The following TCN2 variants were observed in gnomAD, a reference collection of about 807,000 sequenced individuals.
TCN2 encodes the protein transcobalamin-2.
A neutral mutation model predicts 48.6 loss-of-function variants in TCN2; 34 were observed. That is an observed-to-expected ratio of 0.70 (90% confidence interval 0.53 to 0.93). TCN2 has a LOEUF of 0.93. Ranked by LOEUF, TCN2 falls within the 40% of genes least tolerant of loss-of-function variation. The probability of loss-of-function intolerance (pLI) is 0.00; values close to 1 mark genes in which losing one functional copy is unlikely to be tolerated. For missense variants in TCN2, 652 were observed against 526.1 expected, an observed-to-expected ratio of 1.24 and a Z score of -2.34; for synonymous variants, 283 against 212.5, an observed-to-expected ratio of 1.33 and a Z score of -2.89.
rs147747593 is a variant in TCN2 at position 30,623,025 on chromosome 22, G to C, written c.1164G>C (p.Ala388=). Residue 388 remains alanine (A), a synonymous_variant, in exon 8 of 9, where the codon GCG becomes GCC. Coordinates refer to ENST00000215838, the MANE Select transcript of TCN2 (RefSeq NM_000355.4). ...ACTTAACCTCCGTGATGGGGAAAGC[G>C]GCCGGAGAAAGGGAGTTCTGGCAGC... ...GPYLTSVMGK[A]AGEREFWQLL... The C allele has an allele frequency of 3.1e-6, 5 of 1,613,802 alleles. No homozygotes were observed. The highest frequency in any genetic ancestry group is 4.2e-6 in the Non-Finnish European group (5 of 1,180,002).
rs11557601 is a variant in TCN2 at position 30,622,985 on chromosome 22, C to T, written c.1124C>T (p.Ser375Phe). The change falls in exon 8 of 9, where the codon TCC becomes TTC. Residue 375 changes from serine to phenylalanine, a missense_variant. Physicochemically the swap from Ser to Phe is radical, Grantham distance 155. Transcript: ENST00000215838. ...TTCTGTAGATATGAAACACAGGCCT[C>T]CTTGTCAGGCCCCTACTTAACCTCC... ...LGGFTYETQA[S>F]LSGPYLTSVM... The T allele has an allele frequency of 1.9e-6, 3 of 1,614,022 alleles. No individual in the cohort carries two copies. The highest frequency in any genetic ancestry group is 1.3e-5 in the African/African-American group (1 of 74,902).
intron 3 of TCN2, among the ~76,000 whole-genome samples, chr22:30,613,833 G>C (rs5753236): frequency 0.62 from 94,646 of 151,990 alleles, 30,218 homozygotes; most frequent in African/African-American, 0.77. Flanking sequence ...TGCCCAGGCT[G>C]TGCTCATCCA....
chr22:30,618,263 G>A (rs533403833), intron 7 of TCN2, among the ~76,000 whole-genome samples: 1 of 92,366 alleles, frequency 1.1e-5, no homozygotes, highest in Admixed American at 1.2e-4. Context: ...ATAATAACTG[G>A]TTTTTTTTGT....
intron 7 of TCN2, among the ~76,000 whole-genome samples, chr22:30,619,811 T>C (rs1014698068): frequency 6.6e-6 from 1 of 152,158 alleles, no homozygotes; most frequent in Non-Finnish European, 1.5e-5. Flanking sequence ...CCAGGTTAAG[T>C]TATTTCTTCT....
chr22:30,617,937 T>G (rs2087638925), intron 7 of TCN2, among the ~76,000 whole-genome samples: 1 of 152,066 alleles, frequency 6.6e-6, no homozygotes, highest in Non-Finnish European at 1.5e-5. Flanking sequence ...GTTTTTTGTT[T>G]GTTTGTTTGT....
rs567525975 is a variant in TCN2 at position 30,624,373 on chromosome 22, C to CTG, written c.1222+1291_1222+1292dup. 7.2e-5 allele frequency among the ~76,000 whole-genome samples: 11 copies of CTG among 152,094 alleles called. No individual in the cohort carries two copies. In the South Asian group the frequency reaches 2.3e-3, roughly 32 times the overall value. On this transcript the variant is annotated intron_variant, in intron 8 of 8. Coordinates refer to ENST00000215838, the MANE Select transcript of TCN2 (RefSeq NM_000355.4). ...ACAGGCGTGAGCCACCACGCCTGGC[C>CTG]TGCAAACAGACCCTTAAAAGTCATC...
intron 7 of TCN2, among the ~76,000 whole-genome samples, chr22:30,619,510 G>A (rs2087665852): frequency 6.6e-6 from 1 of 152,242 alleles, no homozygotes; most frequent in Non-Finnish European, 1.5e-5. Context: ...AGCATGTCTG[G>A]ACTGTTGTTT....
chr22:30,626,097 T>C (rs573002278), intron 8 of TCN2, among the ~76,000 whole-genome samples: 1 of 152,132 alleles, frequency 6.6e-6, no homozygotes, highest in Non-Finnish European at 1.5e-5. Context: ...GGCGTCCTCC[T>C]AGAGCCTGGA....
At chr22:30,615,032 T>G (rs938737539) in intron 4 of TCN2, among the ~76,000 whole-genome samples, 4 of 152,142 alleles carry the variant, frequency 2.6e-5, no homozygotes, top group African/African-American at 9.7e-5. Context: ...CTCCCTAACC[T>G]CTAGCCCTCA....
chr22:30,618,263 G>C (rs533403833), intron 7 of TCN2, among the ~76,000 whole-genome samples: 1 of 92,366 alleles, frequency 1.1e-5, no homozygotes, highest in African/African-American at 5.8e-5. Context: ...ATAATAACTG[G>C]TTTTTTTTGT....
intron 7 of TCN2, among the ~76,000 whole-genome samples, chr22:30,620,884 C>T (rs1307683365): frequency 6.6e-6 from 1 of 152,148 alleles, no homozygotes; most frequent in Non-Finnish European, 1.5e-5. Context: ...AGAGGTAGCC[C>T]TGTGCAGCCA....
At chr22:30,614,850 A>G (rs914343548) in intron 4 of TCN2, among the ~76,000 whole-genome samples, 7 of 152,214 alleles carry the variant, frequency 4.6e-5, no homozygotes, top group African/African-American at 1.7e-4. Context: ...CGGAGGCTGC[A>G]GTGAGTGGAG....
chr22:30,626,312 A>G (rs2087808902), intron 8 of TCN2, 148 bp from the exon 9 acceptor site: 1 of 797,470 alleles, frequency 1.3e-6, no homozygotes, highest in South Asian at 1.5e-5. Flanking sequence ...GTCTTTGAGC[A>G]GGCTTTAGGG....
chr22:30,618,734 A>T (rs2087652541), intron 7 of TCN2, among the ~76,000 whole-genome samples: 1 of 151,842 alleles, frequency 6.6e-6, no homozygotes, highest in Non-Finnish European at 1.5e-5. Context: ...GCCTCAAATT[A>T]TCCAAGTAAC....
Position 30,623,871 on chromosome 22 carries a change from TAC to T in TCN2, c.1222+794_1222+795del, listed in dbSNP as rs796791543. Among the ~76,000 whole-genome samples the T allele has an allele frequency of 8.6e-4, 51 of 59,348 alleles. 16 individuals carry two copies. The highest frequency in any genetic ancestry group is 0.018 in the Middle Eastern group (2 of 110). The allele number at this position is 59,348 out of a possible 152,430, so 38.9% of individuals were successfully genotyped here. A position where few individuals can be genotyped will look rare whatever the true frequency, so the allele number is the denominator to read the frequency against. ...ACATACACATACATACACACATATA[TAC>T]ACACATATATACACACATATATATG... On this transcript the variant is annotated intron_variant, in intron 8 of 8. Transcript: ENST00000215838.
Position 30,623,835 on chromosome 22 carries a change from T to TAC in TCN2, c.1222+760_1222+761dup, listed in dbSNP as rs1226823452. On this transcript the variant is annotated intron_variant, in intron 8 of 8. Coordinates refer to ENST00000215838, the MANE Select transcript of TCN2 (RefSeq NM_000355.4). ...ATATACACACACATACACACACATA[T>TAC]ACACACACATACATACACATACATA... Among the ~76,000 whole-genome samples, 4 of 65,208 alleles carry TAC rather than the reference T, an allele frequency of 6.1e-5. 1 individual carries two copies. Among genetic ancestry groups the TAC allele is most frequent in the Non-Finnish European group, 1.1e-4 (4 of 37,982 alleles). 42.8% of individuals were successfully genotyped at this position (65,208 alleles called of 152,430 possible). A position where few individuals can be genotyped will look rare whatever the true frequency, so the allele number is the denominator to read the frequency against.
intron 2 of TCN2, among the ~76,000 whole-genome samples, chr22:30,612,113 C>T (rs190531172): frequency 8.5e-5 from 13 of 152,110 alleles, no homozygotes; most frequent in African/African-American, 3.1e-4. Flanking sequence ...GGTGTAGTGA[C>T]TCATGCCTGT....
intron 4 of TCN2, among the ~76,000 whole-genome samples, 181 bp downstream of exon 4, chr22:30,614,682 G>A (rs2145543366): frequency 6.6e-6 from 1 of 152,342 alleles, no homozygotes; most frequent in Middle Eastern, 3.4e-3. Context: ...GCCAGCTTTG[G>A]AGCTGGTAGG....
chr22:30,611,847 C>G (rs536420865), intron 2 of TCN2, among the ~76,000 whole-genome samples: 2 of 152,320 alleles, frequency 1.3e-5, no homozygotes, highest in East Asian at 3.9e-4. Flanking sequence ...AGAGGCATCA[C>G]AGAGAGGCCT....
Sources: gnomAD v4.1 joint callset for allele counts (sites outside exome capture counted in the v4.1 genomes callset) on GRCh38, gnomAD v4.1.1 for gene constraint, MANE v1.5 for transcripts, NCBI Gene and HGNC (gene_info 2026-07-23, HGNC 2026-07-21) for gene names.